ADAMTS17: variants seen among roughly 807,000 people sequenced by gnomAD.
The protein encoded by ADAMTS17 is ADAM metallopeptidase with thrombospondin type 1 motif 17, also known as A disintegrin and metalloproteinase with thrombospondin motifs 17.
ADAMTS17 carries 113 observed loss-of-function variants against 141.5 expected under a neutral mutation model. The observed-to-expected ratio is 0.80, with a 90% CI of 0.69 to 0.93. The LOEUF (loss-of-function observed/expected upper bound fraction) is 0.93, where lower values mean the gene tolerates loss of function less well. Among genes scored for constraint, ADAMTS17 ranks in the 40% least tolerant of loss-of-function variants. ADAMTS17 has a pLI of 0.00. For synonymous variants in ADAMTS17, 768 were observed against 630.6 expected, an observed-to-expected ratio of 1.22 and a Z score of -3.27; for missense variants, 1,659 against 1,517.9, an observed-to-expected ratio of 1.09 and a Z score of -1.54.
intron 17 of ADAMTS17, among the ~76,000 whole-genome samples, chr15:100,050,051 G>C (rs28382322): frequency 0.016 from 2,450 of 152,248 alleles, 57 homozygotes; most frequent in African/African-American, 0.056. Context: ...TCTGTGTCCT[G>C]GGCAATTTGT....
rs753804023 is a variant in ADAMTS17 at position 100,116,911 on chromosome 15, C to A, written c.1824G>T (p.Gln608His). The A allele has an allele frequency of 2.5e-6, 4 of 1,614,074 alleles. No individual in the cohort carries two copies. The highest frequency in any genetic ancestry group is 1.7e-5 in the Admixed American group (1 of 60,010). Residue 608 changes from glutamine to histidine, a missense_variant, in exon 13 of 22, where the codon CAG (glutamine) becomes CAT (histidine). By Grantham distance (24) the Gln-to-His change is conservative. Transcript: ENST00000268070. ...PKGLPSFRDQQCQAHDRLSPK... is the reference protein window; with the variant it reads ...PKGLPSFRDQHCQAHDRLSPK... ...GGCTCAGCCGGTCGTGTGCCTGGCA[C>A]TGCTGGTCCCGGAAGCTGGGCAGAC...
chr15:100,059,165 C>T (rs535565336), intron 15 of ADAMTS17, among the ~76,000 whole-genome samples: 6 of 152,300 alleles, frequency 3.9e-5, no homozygotes, highest in Admixed American at 2.6e-4. Context: ...GGTCTGGAGC[C>T]GATGAGTTGG....
At position 100,226,364 on chromosome 15, in the gene ADAMTS17, G is replaced by C. The variant is rs549317938; in HGVS notation, c.1076-26941C>G. 1.9e-4 allele frequency among the ~76,000 whole-genome samples: 29 copies of C among 152,380 alleles called. No homozygotes were observed. In the East Asian group the frequency reaches 4.4e-3, roughly 23 times the overall value. On this transcript the variant is annotated intron_variant, in intron 7 of 21. Transcript: ENST00000268070. ...CCAAAGATAAGCAGGAGTCAGCCGG[G>C]GGAAAAGGAGGCTTGGCCCTTCAGG...
At chr15:99,994,512 T>C (rs2141335089) in intron 19 of ADAMTS17, among the ~76,000 whole-genome samples, 1 of 152,222 alleles carries the variant, frequency 6.6e-6, no homozygotes, top group Middle Eastern at 3.4e-3. Flanking sequence ...AGGACAAATG[T>C]TATTCCTGAT....
intron 3 of ADAMTS17, among the ~76,000 whole-genome samples, chr15:100,299,820 G>A (rs2044965079): frequency 6.6e-6 from 1 of 152,046 alleles, no homozygotes; most frequent in African/African-American, 2.4e-5. Flanking sequence ...TTAACACAAA[G>A]CCACCTCTCC....
chr15:100,313,878 C>T (rs12904755), intron 3 of ADAMTS17, among the ~76,000 whole-genome samples: 6 of 67,170 alleles, frequency 8.9e-5, no homozygotes, highest in Non-Finnish European at 1.6e-4. Context: ...CCACCCCAAA[C>T]GTCACCATGA....
chr15:100,133,277 T>C lies in ADAMTS17; in HGVS notation c.1512A>G (p.Gly504=). 6.3e-7 allele frequency: 1 copy of C among 1,597,936 alleles called. No homozygotes were observed. Among genetic ancestry groups the C allele is most frequent in the East Asian group, 2.2e-5 (1 of 44,710 alleles). The part of the protein sequence containing the change: ...MCAGLWCLVE[G]DTSCKTKLDP... ...CCAGCTTGGTCTTGCAGGATGTGTC[T>C]CCTTCTACCAGGCACCACAGTCCAG... The change falls in exon 11 of 22, where the codon GGA becomes GGG. Residue 504 remains glycine, a synonymous_variant. Coordinates refer to ENST00000268070, the MANE Select transcript of ADAMTS17 (RefSeq NM_139057.4).
At position 100,003,118 on chromosome 15, in the gene ADAMTS17, C is replaced by T. The variant is rs572738142; in HGVS notation, c.2592-5529G>A. On this transcript the variant is annotated intron_variant, in intron 18 of 21. Transcript: ENST00000268070. ...AAACAAGCTCCACCTGCCGAGAGCA[C>T]AGCCTCCCAACCCCACCATGGGGGA... Among the ~76,000 whole-genome samples, 38 of 152,178 alleles carry T rather than the reference C, an allele frequency of 2.5e-4. No homozygotes were observed. In the South Asian group the frequency reaches 3.3e-3, roughly 13 times the overall value.
At chr15:100,258,816 G>T (rs1052775693) in intron 6 of ADAMTS17, among the ~76,000 whole-genome samples, 2 of 152,194 alleles carry the variant, frequency 1.3e-5, no homozygotes, top group African/African-American at 4.8e-5. Context: ...TAAGTTAGGA[G>T]GGTGAAAAAT....
At chr15:100,085,013 CAGA>C (rs1171384782) in intron 15 of ADAMTS17, among the ~76,000 whole-genome samples, 7 of 152,124 alleles carry the variant, frequency 4.6e-5, no homozygotes, top group African/African-American at 7.2e-5. Context: ...GATGAGCTGA[CAGA>C]AGAAGGCTTC....
intron 8 of ADAMTS17, among the ~76,000 whole-genome samples, chr15:100,173,883 G>A (rs2040245494): frequency 6.6e-6 from 1 of 152,202 alleles, no homozygotes; most frequent in Non-Finnish European, 1.5e-5. Context: ...ACTCCCAGGT[G>A]AGTCTAGTGT....
chr15:100,033,181 C>G (rs2030353067), intron 18 of ADAMTS17, among the ~76,000 whole-genome samples: 1 of 152,138 alleles, frequency 6.6e-6, no homozygotes, highest in Non-Finnish European at 1.5e-5. Flanking sequence ...TTTTCCCAAG[C>G]CATCACACCT....
At chr15:99,985,721 A>T (rs112692888) in intron 20 of ADAMTS17, among the ~76,000 whole-genome samples, 2 of 152,230 alleles carry the variant, frequency 1.3e-5, no homozygotes, top group African/African-American at 2.4e-5. Flanking sequence ...GAAGAAAGCC[A>T]TATCACCACT....
chr15:100,135,450 A>AT (rs1376848532), intron 10 of ADAMTS17, among the ~76,000 whole-genome samples: 1 of 151,836 alleles, frequency 6.6e-6, no homozygotes, highest in African/African-American at 2.4e-5. Flanking sequence ...CACCCGGCTA[A>AT]TTTTTTGTAT....
At chr15:100,049,021 G>C (rs1164910966) in intron 17 of ADAMTS17, 29 bp from the exon 18 acceptor site, 1 of 1,614,158 alleles carries the variant, frequency 6.2e-7, no homozygotes. Context: ...GGAGCTGAGA[G>C]ACTGTGGCTG....
rs1200955256 is a variant in ADAMTS17, at chr15:100,341,931, T to C, written c.-32A>G. 9 of 1,547,742 alleles carry C rather than the reference T, an allele frequency of 5.8e-6. No homozygotes were observed. Among genetic ancestry groups the C allele is most frequent in the African/African-American group, 1.4e-5 (1 of 72,800 alleles). On this transcript the variant is annotated 5_prime_UTR_variant, in exon 1 of 22. Coordinates refer to ENST00000268070, the MANE Select transcript of ADAMTS17 (RefSeq NM_139057.4). ...CGGGACCGGCAGCCCCCCCGGACCG[T>C]GGCGGCGAAGCAGGAGCGCGCTAGG...
chr15:100,180,382 G>C (rs2040482048), intron 8 of ADAMTS17, among the ~76,000 whole-genome samples: 1 of 152,154 alleles, frequency 6.6e-6, no homozygotes, highest in Non-Finnish European at 1.5e-5. Flanking sequence ...CTGTGTATCT[G>C]TTTTAAATGC....
intron 15 of ADAMTS17, among the ~76,000 whole-genome samples, chr15:100,091,429 G>A (rs1211222971): frequency 3.9e-5 from 6 of 152,180 alleles, no homozygotes; most frequent in African/African-American, 1.2e-4. Context: ...GGTTTCATGA[G>A]GAAGCCATGG....
At chr15:100,182,997 C>T (rs201257768) in intron 8 of ADAMTS17, among the ~76,000 whole-genome samples, 4 of 148,330 alleles carry the variant, frequency 2.7e-5, no homozygotes, top group African/African-American at 1.0e-4. Context: ...TTTTCTTTTT[C>T]TTTTTTTTTG....
Sources: allele counts gnomAD v4.1 joint callset (sites outside exome capture counted in the v4.1 genomes callset), GRCh38; gene constraint gnomAD v4.1.1; transcripts MANE v1.5; gene names NCBI Gene and HGNC (gene_info 2026-07-23, HGNC 2026-07-21).